CD302: variants seen among roughly 807,000 people sequenced by gnomAD.
CD302 encodes the protein CD302 antigen.
In CD302, 23 loss-of-function variants were observed where a neutral mutation model predicts 26.5. That is an observed-to-expected ratio of 0.87 (90% CI 0.62 to 1.23). CD302 has a LOEUF of 1.23. Ranked by LOEUF, CD302 falls within the 50% of genes most tolerant of loss-of-function variation. CD302 has a pLI of 0.00. For missense variants in CD302, 290 were observed against 275.5 expected (o/e 1.05, Z -0.37); for synonymous variants, 90 against 99.4 (o/e 0.91, Z 0.56).
At chr2:159,794,461 T>C (rs1458626709) in intron 1 of CD302, among the ~76,000 whole-genome samples, 1 of 151,474 alleles carries the variant, frequency 6.6e-6, no homozygotes, top group Non-Finnish European at 1.5e-5. Flanking sequence ...AAATAATACC[T>C]AATTGAAATT....
At chr2:159,784,394 C>G (rs1407001703) in intron 1 of CD302, among the ~76,000 whole-genome samples, 1 of 108,304 alleles carries the variant, frequency 9.2e-6, no homozygotes, top group Admixed American at 1.5e-4. Flanking sequence ...CTTGTACTGT[C>G]GTCCTGGCTG....
At position 159,771,962 on chromosome 2, in the gene CD302, A is replaced by G. The variant is rs1299570510; in HGVS notation, c.588T>C (p.His196=). 1.2e-6 allele frequency: 2 copies of G among 1,614,056 alleles called. No homozygotes were observed. Among genetic ancestry groups the G allele is most frequent in the Non-Finnish European group, 1.7e-6 (2 of 1,179,948 alleles). The change falls in exon 6 of 6, where the codon CAT becomes CAC. Residue 196 remains histidine (H), a synonymous_variant. Transcript: ENST00000259053. ...GAIIWFLYKK[H]SDSRFTTVFS... ...AAACTGTGGTGAAACGAGAATCAGA[A>G]TGTTTTTTGTACAGGAACCAAATGA...
At chr2:159,794,739 AG>A (rs1708904669) in intron 1 of CD302, among the ~76,000 whole-genome samples, 1 of 150,138 alleles carries the variant, frequency 6.7e-6, no homozygotes, top group African/African-American at 2.4e-5. Context: ...TAGTAGAGAC[AG>A]GGTTTCACCG....
At chr2:159,777,472 A>AAT (rs1304936292) in intron 5 of CD302, among the ~76,000 whole-genome samples, 1 of 152,184 alleles carries the variant, frequency 6.6e-6, no homozygotes, top group African/African-American at 2.4e-5. Context: ...AATAAATCTA[A>AAT]ATATATATAC....
intron 3 of CD302, 52 bp from the exon 4 acceptor site, chr2:159,780,230 AGCC>A (rs1348405144): frequency 1.9e-6 from 3 of 1,590,162 alleles, no homozygotes; most frequent in Admixed American, 1.7e-5. Context: ...AAGGAGTTCA[AGCC>A]AAAAAGGGTG....
chr2:159,797,782 G>A (rs1303514538), intron 1 of CD302, among the ~76,000 whole-genome samples: 3 of 152,194 alleles, frequency 2.0e-5, no homozygotes. Context: ...GCCCGAAATT[G>A]CCCTGAAACG....
rs758197047 is a variant in CD302, at chr2:159,780,906, G to GT, written c.270dup (p.Leu91ThrfsTer6). 6.2e-7 allele frequency: 1 copy of GT among 1,613,262 alleles called. No individual in the cohort carries two copies. The highest frequency in any genetic ancestry group is 8.5e-7 in the Non-Finnish European group (1 of 1,179,862). The stretch of plus-strand genomic sequence containing the variant: ...CCATCTGTGTCATAAAACATGCCTA[G>GT]TAGGATATCATCTGGGCCTTTCCAT... On this transcript the variant is annotated frameshift_variant, in exon 3 of 6. Transcript: ENST00000259053. LOFTEE classifies it high-confidence loss of function.
At position 159,771,859 on chromosome 2, in the gene CD302, A is replaced by G; in HGVS notation, c.691T>C (p.Phe231Leu). The G allele has an allele frequency of 6.2e-7, 1 of 1,613,714 alleles. No homozygotes were observed. Among genetic ancestry groups the G allele is most frequent in the South Asian group, 1.1e-5 (1 of 91,058 alleles). Residue 231 changes from phenylalanine to leucine, a missense_variant, in exon 6 of 6, where the codon TTT becomes CTT. Coordinates refer to ENST00000259053, the MANE Select transcript of CD302 (RefSeq NM_014880.5). ...GCAAGATTACCAAAAACTTAGTCAA[A>G]TTGAACAGGATATTCATTTTCTTCT... The part of the protein sequence containing the change: ...VGEENEYPVQ[F>L]D
intron 5 of CD302, 138 bp from the exon 6 acceptor site, chr2:159,772,191 A>G (rs1708170554): frequency 3.2e-6 from 3 of 925,118 alleles, no homozygotes; most frequent in Admixed American, 2.9e-5. Flanking sequence ...AAAACCAAAA[A>G]TTTCGCATTT....
Position 159,771,894 on chromosome 2 carries a change from A to G in CD302, c.656T>C (p.Leu219Ser). Residue 219 changes from leucine to serine, a missense_variant, in exon 6 of 6, where the codon TTG becomes TCG. Coordinates refer to ENST00000259053, the MANE Select transcript of CD302 (RefSeq NM_014880.5). The part of the protein sequence containing the change: ...PQSPYNEDCV[L>S]VVGEENEYPV... Reference sequence around the variant, plus strand: ...ATATTCATTTTCTTCTCCAACTACCAAAACACAGTCTTCATTATAAGGTGA... The same window carrying G: ...ATATTCATTTTCTTCTCCAACTACCGAAACACAGTCTTCATTATAAGGTGA... The G allele has an allele frequency of 6.2e-7, 1 of 1,614,054 alleles. No individual in the cohort carries two copies. The highest frequency in any genetic ancestry group is 8.5e-7 in the Non-Finnish European group (1 of 1,179,940).
chr2:159,791,910 G>A (rs769847527), intron 1 of CD302, among the ~76,000 whole-genome samples: 30 of 152,192 alleles, frequency 2.0e-4, no homozygotes, highest in Non-Finnish European at 3.8e-4. Context: ...ACGCAGTTAT[G>A]CAAAAGGAAG....
intron 1 of CD302, among the ~76,000 whole-genome samples, chr2:159,788,053 G>C (rs1708713807): frequency 6.6e-6 from 1 of 151,370 alleles, no homozygotes; most frequent in South Asian, 2.1e-4. Flanking sequence ...GTTGCAGTGA[G>C]CCAAGATTGC....
intron 1 of CD302, 143 bp downstream of exon 1, chr2:159,797,989 G>A (rs1002672525): frequency 1.4e-5 from 10 of 724,506 alleles, no homozygotes; most frequent in East Asian, 3.5e-5. Flanking sequence ...CACGGGGGAC[G>A]GGCGTGCAGG....
intron 1 of CD302, among the ~76,000 whole-genome samples, chr2:159,791,107 C>T (rs1191064256): frequency 4.6e-5 from 7 of 152,166 alleles, no homozygotes; most frequent in Admixed American, 3.9e-4. Context: ...AGTGTCTCAG[C>T]CTTATCTTCC....
chr2:159,772,847 C>A (rs1708197656), intron 5 of CD302, among the ~76,000 whole-genome samples: 1 of 151,984 alleles, frequency 6.6e-6, no homozygotes, highest in African/African-American at 2.4e-5. Context: ...GAAATTTGGC[C>A]AAATTATTTG....
chr2:159,779,162 C>A (rs1279974845), intron 4 of CD302, among the ~76,000 whole-genome samples: 1 of 123,154 alleles, frequency 8.1e-6, no homozygotes, highest in Non-Finnish European at 1.6e-5. Context: ...AGCCAGGAGG[C>A]AGAGGTTGCA....
intron 1 of CD302, among the ~76,000 whole-genome samples, chr2:159,791,895 A>G (rs1574502492): frequency 1.3e-5 from 2 of 152,390 alleles, no homozygotes; most frequent in East Asian, 3.9e-4. Context: ...TTTATGTTCT[A>G]GTTGACGCAG....
chr2:159,772,814 G>A (rs1031626482), intron 5 of CD302, among the ~76,000 whole-genome samples: 2 of 151,984 alleles, frequency 1.3e-5, no homozygotes, highest in Admixed American at 6.6e-5. Flanking sequence ...AATGAGACCT[G>A]GAAGAATTTA....
At chr2:159,784,826 T>TA (rs1351549753) in intron 1 of CD302, among the ~76,000 whole-genome samples, 2 of 152,162 alleles carry the variant, frequency 1.3e-5, no homozygotes, top group African/African-American at 4.8e-5. Context: ...CTCAGCTTCT[T>TA]ATATAGCACA....
Sources: gnomAD v4.1 joint callset for allele counts (sites outside exome capture counted in the v4.1 genomes callset) on GRCh38, gnomAD v4.1.1 for gene constraint, MANE v1.5 for transcripts, NCBI Gene and HGNC (gene_info 2026-07-23, HGNC 2026-07-21) for gene names.